Variants in PAQR6 observed in about 807,000 individuals in gnomAD.
The protein encoded by PAQR6 is progestin and adipoQ receptor family member 6.
In PAQR6, 34 loss-of-function variants were observed where a neutral mutation model predicts 36.2. The ratio of observed to expected loss-of-function variants is 0.94; its 90% CI spans 0.71 to 1.25. The LOEUF (loss-of-function observed/expected upper bound fraction) is 1.25. PAQR6 is among the 50% of genes most tolerant of loss of function. PAQR6 has a pLI of 0.00. For synonymous variants in PAQR6, 190 were observed against 190.7 expected (o/e 1.00, Z 0.03); for missense variants, 431 against 445.7 (o/e 0.97, Z 0.30).
At position 156,244,868 on chromosome 1, in the gene PAQR6, G is replaced by A. The variant is rs1188355013; in HGVS notation, c.653C>T (p.Ala218Val). Residue 218 changes from alanine to valine, a missense_variant, in exon 7 of 8, where the codon GCC becomes GTC. Physicochemically the swap from Ala to Val is moderately conservative, Grantham distance 64 (BLOSUM62 0). Transcript: ENST00000292291. ...WGRGHGCGQEALSTSHGYHLF... is the reference protein window; with the variant it reads ...WGRGHGCGQEVLSTSHGYHLF... ...ATGGTAGCCATGGCTGGTGCTCAGG[G>A]CCTCCTGCCCACAGCCGTGGCCCCT... 1 of 1,613,090 alleles carries A rather than the reference G, an allele frequency of 6.2e-7. No homozygotes were observed. Among genetic ancestry groups the A allele is most frequent in the African/African-American group, 1.3e-5 (1 of 74,944 alleles).
intron 7 of PAQR6, 130 bp downstream of exon 7, chr1:156,244,631 A>C (rs1171076225): frequency 1.3e-6 from 2 of 1,536,394 alleles, no homozygotes; most frequent in African/African-American, 2.7e-5. Context: ...TCGTTATAGG[A>C]AGACAGGGAA....
chr1:156,247,126 G>A (rs1428391927), intron 1 of PAQR6, among the ~76,000 whole-genome samples: 1 of 152,202 alleles, frequency 6.6e-6, no homozygotes, highest in Non-Finnish European at 1.5e-5. Context: ...GACAGCCTGA[G>A]TACCACTCCC....
chr1:156,245,438 G>T, intron 5 of PAQR6, 97 bp downstream of exon 5: 1 of 1,539,428 alleles, frequency 6.5e-7, no homozygotes, highest in South Asian at 1.2e-5. Flanking sequence ...CTCAGTACAT[G>T]GTCCCGATGC....
intron 1 of PAQR6, chr1:156,247,736 C>T (rs1572557362): frequency 4.6e-6 from 1 of 215,640 alleles, no homozygotes; most frequent in East Asian, 1.7e-4. Context: ...GTGGGATGGT[C>T]GGGGGTCTCC....
chr1:156,247,166 C>T (rs1014545373), intron 1 of PAQR6, among the ~76,000 whole-genome samples: 1 of 152,216 alleles, frequency 6.6e-6, no homozygotes, highest in African/African-American at 2.4e-5. Flanking sequence ...TCGCCCACAG[C>T]GCCTGAACTG....
rs1265716693 is a variant in PAQR6 at position 156,245,646 on chromosome 1, T to C, written c.401A>G (p.Tyr134Cys). Residue 134 changes from tyrosine to cysteine, a missense_variant, in exon 5 of 8, where the codon TAT (tyrosine) becomes TGT (cysteine). By Grantham distance (194) the Tyr-to-Cys change is radical. Transcript: ENST00000292291. ...SLYSLGCAFP[Y>C]AAYSMPASWL... The stretch of plus-strand genomic sequence containing the variant: ...GGAGGCCGGCATGGAGTAGGCGGCA[T>C]AGGGGAAGGCGCAGCCTGCGGTGAG... 2.6e-5 allele frequency: 42 copies of C among 1,612,752 alleles called. No homozygotes were observed. Among genetic ancestry groups the C allele is most frequent in the Non-Finnish European group, 3.3e-5 (39 of 1,179,830 alleles).
rs2103159425 is a variant in PAQR6, at chr1:156,244,093, C to T, written c.*36G>A. On this transcript the variant is annotated 3_prime_UTR_variant, in exon 8 of 8. Coordinates refer to ENST00000292291, the MANE Select transcript of PAQR6 (RefSeq NM_198406.3). ...CTCCTCGTCAGCACTGGGGCCTGGC[C>T]TCTGCCCCCTCCAGGACAGGGTCAG... 1.2e-6 allele frequency: 2 copies of T among 1,610,720 alleles called. No homozygotes were observed.
Position 156,244,832 on chromosome 1 carries a change from G to T in PAQR6, c.689C>A (p.Ala230Glu), listed in dbSNP as rs777438448. The change falls in exon 7 of 8, where the codon GCG becomes GAG. Residue 230 changes from alanine to glutamate, a missense_variant. Physicochemically the swap from Ala to Glu is moderately radical, Grantham distance 107. Coordinates refer to ENST00000292291, the MANE Select transcript of PAQR6 (RefSeq NM_198406.3). The part of the protein sequence containing the change: ...STSHGYHLFC[A>E]LLTGFLFASH... ...GGCGAAGAGGAAGCCAGTGAGCAGC[G>T]CGCAGAAGAGATGGTAGCCATGGCT... 1.9e-6 allele frequency: 3 copies of T among 1,613,580 alleles called. No individual in the cohort carries two copies. The South Asian group carries it at 3.3e-5, about 18-fold the overall frequency.
Position 156,243,716 on chromosome 1 carries a change from A to C in PAQR6, c.*413T>G. On this transcript the variant is annotated 3_prime_UTR_variant, in exon 8 of 8. Coordinates refer to ENST00000292291, the MANE Select transcript of PAQR6 (RefSeq NM_198406.3). Reference sequence around the variant, plus strand: ...TGTGTGGCCTCTCGGCCTGGTTAGCAAGAAGCATTCAGGGTAGGCCTAGGT... The same window carrying C: ...TGTGTGGCCTCTCGGCCTGGTTAGCCAGAAGCATTCAGGGTAGGCCTAGGT... The C allele has an allele frequency of 9.5e-7, 1 of 1,057,056 alleles. No individual in the cohort carries two copies. The highest frequency in any genetic ancestry group is 2.4e-5 in the East Asian group (1 of 41,516). 65.5% of individuals were successfully genotyped at this position (1,057,056 alleles called of 1,614,324 possible). A position where few individuals can be genotyped will look rare whatever the true frequency, so the allele number is the denominator to read the frequency against.
chr1:156,247,864 GTGCAGT>G (rs1215264226), intron 1 of PAQR6, 87 bp downstream of exon 1: 3 of 385,962 alleles, frequency 7.8e-6, no homozygotes, highest in Non-Finnish European at 1.6e-5. Context: ...AGTGGAGTGT[GTGCAGT>G]TGCTATGGAA....
At chr1:156,245,402 G>C in intron 5 of PAQR6, 133 bp downstream of exon 5, 1 of 1,435,202 alleles carries the variant, frequency 7.0e-7, no homozygotes, top group Non-Finnish European at 9.6e-7. Flanking sequence ...CTGTATGTGG[G>C]GATAAAGGGT....
intron 2 of PAQR6, 46 bp downstream of exon 2, chr1:156,246,635 C>G (rs1187929446): frequency 6.3e-7 from 1 of 1,595,864 alleles, no homozygotes; most frequent in Admixed American, 1.7e-5. Context: ...CCTAGTCAGT[C>G]CTCTAGGGAA....
Position 156,244,096 on chromosome 1 carries a change from T to C in PAQR6, c.*33A>G, listed in dbSNP as rs879011286. 1 of 1,610,660 alleles carries C rather than the reference T, an allele frequency of 6.2e-7. No individual in the cohort carries two copies. The highest frequency in any genetic ancestry group is 8.5e-7 in the Non-Finnish European group (1 of 1,177,506). ...CTCGTCAGCACTGGGGCCTGGCCTC[T>C]GCCCCCTCCAGGACAGGGTCAGGGA... On this transcript the variant is annotated 3_prime_UTR_variant, in exon 8 of 8. Coordinates refer to ENST00000292291, the MANE Select transcript of PAQR6 (RefSeq NM_198406.3).
rs763122545 is a variant in PAQR6, at chr1:156,243,578, C to A, written c.*551G>T. The A allele has an allele frequency of 1.1e-4, 54 of 492,808 alleles. No individual in the cohort carries two copies. Among genetic ancestry groups the A allele is most frequent in the Non-Finnish European group, 1.7e-4 (49 of 281,786 alleles). 30.5% of individuals were successfully genotyped at this position (492,808 alleles called of 1,614,324 possible). A position where few individuals can be genotyped will look rare whatever the true frequency, so the allele number is the denominator to read the frequency against. ...ATAATGCACCCAGATAGGCCCACCC[C>A]CAAAAGCCTGGACACCTTGAGCACA... On this transcript the variant is annotated 3_prime_UTR_variant, in exon 8 of 8. Coordinates refer to ENST00000292291, the MANE Select transcript of PAQR6 (RefSeq NM_198406.3).
intron 6 of PAQR6, 104 bp downstream of exon 6, chr1:156,245,038 C>T (rs1187349756): frequency 1.1e-5 from 18 of 1,596,222 alleles, no homozygotes; most frequent in Middle Eastern, 2.2e-4. Context: ...CCAAGAGAGG[C>T]GGCTGGGCTG....
chr1:156,246,769 T>G lies in PAQR6; in HGVS notation c.-25-13A>C, dbSNP rs919319451. 1 of 1,606,064 alleles carries G rather than the reference T, an allele frequency of 6.2e-7. No homozygotes were observed. The highest frequency in any genetic ancestry group is 1.3e-5 in the African/African-American group (1 of 74,624). ...CCTCCACGTTGACCTAGAGACAGAGTGGGAGGTAGGGGATCAGATAACTGC... is the reference window on the plus strand; with the variant it reads ...CCTCCACGTTGACCTAGAGACAGAGGGGGAGGTAGGGGATCAGATAACTGC... On this transcript the variant is annotated splice_polypyrimidine_tract_variant and intron_variant, in intron 1 of 7. Coordinates refer to ENST00000292291, the MANE Select transcript of PAQR6 (RefSeq NM_198406.3).
intron 1 of PAQR6, 121 bp downstream of exon 1, chr1:156,247,836 G>C: frequency 6.0e-6 from 2 of 335,894 alleles, no homozygotes; most frequent in South Asian, 4.9e-5. Flanking sequence ...CTTAGTAGTA[G>C]GGTTTGGAGA....
chr1:156,244,554 C>A (rs898775686), intron 7 of PAQR6, 151 bp from the exon 8 acceptor site: 2 of 1,367,896 alleles, frequency 1.5e-6, no homozygotes, highest in Non-Finnish European at 2.0e-6. Flanking sequence ...GCATGTGGCC[C>A]CAGCACACAT....
chr1:156,245,990 G>A lies in PAQR6; in HGVS notation c.180-3C>T. On this transcript the variant is annotated splice_region_variant and splice_polypyrimidine_tract_variant and intron_variant, in intron 3 of 7. Coordinates refer to ENST00000292291, the MANE Select transcript of PAQR6 (RefSeq NM_198406.3). ...CCAGGAGCCGCCACAGGAAGTACCT[G>A]CGGCGGGCGCGTGCTCAGGCCGCCG... is the stretch of plus-strand genomic sequence containing the variant. The A allele has an allele frequency of 6.4e-7, 1 of 1,553,692 alleles. No homozygotes were observed. The highest frequency in any genetic ancestry group is 8.7e-7 in the Non-Finnish European group (1 of 1,151,820).
Sources: allele counts gnomAD v4.1 joint callset (sites outside exome capture counted in the v4.1 genomes callset), GRCh38; gene constraint gnomAD v4.1.1; transcripts MANE v1.5; gene names NCBI Gene and HGNC (gene_info 2026-07-23, HGNC 2026-07-21).